Variants in VPS13B observed in about 807,000 individuals in gnomAD.
The protein encoded by VPS13B is vacuolar protein sorting 13 homolog B.
VPS13B carries 285 observed loss-of-function variants against 426.4 expected under a neutral mutation model. The ratio of observed to expected loss-of-function variants is 0.67; its 90% CI spans 0.61 to 0.74. VPS13B has a LOEUF of 0.74. Among genes scored for constraint, VPS13B ranks in the 30% least tolerant of loss-of-function variants. VPS13B has a pLI of 0.00. For synonymous variants in VPS13B, 1,676 were observed against 1,676.4 expected, an observed-to-expected ratio of 1.00 and a Z score of 0.01; for missense variants, 4,537 against 4,782.6, an observed-to-expected ratio of 0.95 and a Z score of 1.51.
intron 43 of VPS13B, among the ~76,000 whole-genome samples, chr8:99,808,500 G>A (rs1813522752): frequency 1.4e-5 from 2 of 139,234 alleles, no homozygotes; most frequent in African/African-American, 5.5e-5. Flanking sequence ...TGGCAACAGA[G>A]CGAGACTCAA....
intron 56 of VPS13B, among the ~76,000 whole-genome samples, 198 bp from the exon 57 acceptor site, chr8:99,859,106 A>T (rs1427565227): frequency 1.3e-5 from 2 of 152,204 alleles, no homozygotes; most frequent in Non-Finnish European, 2.9e-5. Context: ...GATCACTTTG[A>T]TTTATAAAGT....
At chr8:99,165,005 A>T (rs1322020883) in intron 15 of VPS13B, among the ~76,000 whole-genome samples, 1 of 152,200 alleles carries the variant, frequency 6.6e-6, no homozygotes, top group Non-Finnish European at 1.5e-5. Flanking sequence ...AATAAAATTT[A>T]CCAATTGGGA....
At chr8:99,278,655 C>T (rs1389466401) in intron 19 of VPS13B, among the ~76,000 whole-genome samples, 1 of 152,168 alleles carries the variant, frequency 6.6e-6, no homozygotes, top group Non-Finnish European at 1.5e-5. Context: ...ATCATTTTCT[C>T]TTTTAACCTT....
At chr8:99,057,950 C>G (rs543531054) in intron 3 of VPS13B, among the ~76,000 whole-genome samples, 1 of 152,190 alleles carries the variant, frequency 6.6e-6, no homozygotes, top group East Asian at 1.9e-4. Context: ...GGGTCATTTC[C>G]TCAAAACTTC....
chr8:99,507,215 T>C lies in VPS13B; in HGVS notation c.4224+12T>C, dbSNP rs753474966. ...AAGAAAAATCTGTGGTGAGACCCAT[T>C]TAGTTACTATGATTTTTGAAAATGT... On this transcript the variant is annotated intron_variant, in intron 28 of 61. Coordinates refer to ENST00000357162, the MANE Select transcript of VPS13B (RefSeq NM_152564.5). The C allele has an allele frequency of 1.2e-6, 2 of 1,613,264 alleles. No individual in the cohort carries two copies. Among genetic ancestry groups the C allele is most frequent in the African/African-American group, 2.7e-5 (2 of 74,904 alleles).
intron 61 of VPS13B, among the ~76,000 whole-genome samples, chr8:99,874,632 C>T (rs1817602804): frequency 6.7e-6 from 1 of 149,286 alleles, no homozygotes; most frequent in South Asian, 2.1e-4. Context: ...TCCCACTCCA[C>T]TTGATCTACA....
At chr8:99,064,512 T>A (rs1010411909) in intron 3 of VPS13B, among the ~76,000 whole-genome samples, 3 of 152,150 alleles carry the variant, frequency 2.0e-5, no homozygotes, top group Non-Finnish European at 4.4e-5. Context: ...GTAGCAGTGA[T>A]TGAAGATCGA....
At chr8:99,096,662 AG>A (rs1300226965) in intron 4 of VPS13B, among the ~76,000 whole-genome samples, 2 of 151,672 alleles carry the variant, frequency 1.3e-5, no homozygotes, top group Non-Finnish European at 2.9e-5. Flanking sequence ...AGGCTGAGGC[AG>A]GAGAATCACT....
intron 3 of VPS13B, among the ~76,000 whole-genome samples, chr8:99,061,477 T>C (rs1046448033): frequency 1.3e-5 from 2 of 152,116 alleles, no homozygotes; most frequent in East Asian, 3.8e-4. Flanking sequence ...TTGGAGTGTT[T>C]ACTTTTATTT....
intron 4 of VPS13B, among the ~76,000 whole-genome samples, chr8:99,101,012 C>G (rs1191515092): frequency 6.6e-6 from 1 of 151,674 alleles, no homozygotes; most frequent in Non-Finnish European, 1.5e-5. Context: ...CCATTGCACT[C>G]TAGCCTGGAC....
chr8:99,119,387 G>A (rs562733237), intron 7 of VPS13B: 2 of 152,400 alleles, frequency 1.3e-5, no homozygotes, highest in South Asian at 2.1e-4. Context: ...TGGGACTACA[G>A]GTGCACGACA....
At chr8:99,652,709 A>G (rs1257638645) in intron 34 of VPS13B, among the ~76,000 whole-genome samples, 1 of 152,158 alleles carries the variant, frequency 6.6e-6, no homozygotes, top group African/African-American at 2.4e-5. Context: ...ATTGAATTAT[A>G]TGCCTCTTTA....
At chr8:99,243,103 A>G (rs1417092951) in intron 17 of VPS13B, among the ~76,000 whole-genome samples, 4 of 152,246 alleles carry the variant, frequency 2.6e-5, no homozygotes, top group African/African-American at 2.4e-5. Context: ...ATAATGAGAC[A>G]GGAAGATGGA....
At chr8:99,641,731 A>G (rs1488565135) in intron 33 of VPS13B, 80 bp from the exon 34 acceptor site, 5 of 1,378,602 alleles carry the variant, frequency 3.6e-6, no homozygotes, top group Admixed American at 5.1e-5. Flanking sequence ...TTTCTCTTTG[A>G]CAACATGTTT....
intron 29 of VPS13B, among the ~76,000 whole-genome samples, chr8:99,515,472 G>C (rs1469854857): frequency 6.6e-6 from 1 of 152,048 alleles, no homozygotes; most frequent in Non-Finnish European, 1.5e-5. Flanking sequence ...GGTGGTGGCT[G>C]TGGTGGGTTT....
intron 31 of VPS13B, among the ~76,000 whole-genome samples, chr8:99,565,545 A>G (rs1242530650): frequency 2.0e-5 from 3 of 152,062 alleles, no homozygotes; most frequent in Admixed American, 1.3e-4. Flanking sequence ...CCTAAACCAT[A>G]TATTTCTAGC....
chr8:99,823,979 G>T lies in VPS13B; in HGVS notation c.9330+1G>T, dbSNP rs756013171. ...CTGCAATCCCCATTCTGGAAAGGAGGTAAGCAAATCATAACGATTCTTTTG... is the reference window on the plus strand; with the variant it reads ...CTGCAATCCCCATTCTGGAAAGGAGTTAAGCAAATCATAACGATTCTTTTG... On this transcript the variant is annotated splice_donor_variant, in intron 51 of 61. Coordinates refer to ENST00000357162, the MANE Select transcript of VPS13B (RefSeq NM_152564.5). LOFTEE classifies it high-confidence loss of function. 6.2e-7 allele frequency: 1 copy of T among 1,611,700 alleles called. No homozygotes were observed. The highest frequency in any genetic ancestry group is 1.1e-5 in the South Asian group (1 of 91,072).
At chr8:99,588,595 C>G (rs144723357) in intron 33 of VPS13B, among the ~76,000 whole-genome samples, 2,608 of 151,690 alleles carry the variant, frequency 0.017, 145 homozygotes, top group African/African-American at 0.06. Flanking sequence ...AATGGGAGTT[C>G]ACTCATGATT....
At chr8:99,810,414 G>A (rs1221101013) in intron 44 of VPS13B, among the ~76,000 whole-genome samples, 2 of 152,228 alleles carry the variant, frequency 1.3e-5, no homozygotes, top group East Asian at 3.9e-4. Flanking sequence ...CTATGGAGCA[G>A]CAGGGGCTAT....
Sources: allele counts gnomAD v4.1 joint callset (sites outside exome capture counted in the v4.1 genomes callset), GRCh38; gene constraint gnomAD v4.1.1; transcripts MANE v1.5; gene names NCBI Gene and HGNC (gene_info 2026-07-23, HGNC 2026-07-21).